SCAF8: variants seen among roughly 807,000 people sequenced by gnomAD.
SCAF8 encodes SR-related and CTD-associated factor 8.
SCAF8 carries 23 observed loss-of-function variants against 140.5 expected under a neutral mutation model. The ratio of observed to expected loss-of-function variants is 0.16; its 90% CI spans 0.12 to 0.23. The LOEUF is 0.23. SCAF8 is among the 10% of genes least tolerant of loss of function. The pLI is 1.00. For missense variants in SCAF8, 1,397 were observed against 1,555.7 expected, an observed-to-expected ratio of 0.90 and a Z score of 1.72; for synonymous variants, 575 against 528.9, an observed-to-expected ratio of 1.09 and a Z score of -1.20.
In SCAF8 at chr6:154,832,280, C is replaced by G. The variant is rs147036406; in HGVS notation, c.2701C>G (p.Pro901Ala). 2.9e-5 allele frequency: 46 copies of G among 1,614,002 alleles called. No individual in the cohort carries two copies. In the African/African-American group the frequency reaches 5.7e-4, roughly 20 times the overall value. The change falls in exon 20 of 20, where the codon CCA (proline) becomes GCA (alanine). Residue 901 changes from proline (P) to alanine (A), a missense_variant. Transcript: ENST00000367178. Reference sequence around the variant, plus strand: ...TACTCCTGGACTTCTGGGAACACAGCCACCAGCTGGACCTCAAAACTTACC... The same window carrying G: ...TACTCCTGGACTTCTGGGAACACAGGCACCAGCTGGACCTCAAAACTTACC... ...PNTPGLLGTQ[P>A]PAGPQNLPPL...
Position 154,832,604 on chromosome 6 carries a change from C to A in SCAF8, c.3025C>A (p.Gln1009Lys). 6.2e-7 allele frequency: 1 copy of A among 1,614,044 alleles called. No individual in the cohort carries two copies. The highest frequency in any genetic ancestry group is 8.5e-7 in the Non-Finnish European group (1 of 1,179,970). ...GATACCACTTGGGAATGATAACATTCAACAGGAAGGAGATAGAGATTACCG... is the reference window on the plus strand; with the variant it reads ...GATACCACTTGGGAATGATAACATTAAACAGGAAGGAGATAGAGATTACCG... ...KRIPLGNDNI[Q>K]QEGDRDYRFP... Residue 1009 changes from glutamine to lysine, a missense_variant, in exon 20 of 20, where the codon CAA becomes AAA. Gln to Lys is a moderately conservative substitution (Grantham distance 53). Transcript: ENST00000367178.
intron 1 of SCAF8, among the ~76,000 whole-genome samples, chr6:154,736,937 G>T (rs1324579101): frequency 6.6e-6 from 1 of 152,076 alleles, no homozygotes; most frequent in Non-Finnish European, 1.5e-5. Flanking sequence ...TTGAGGAAGG[G>T]AAATATATTT....
chr6:154,765,801 A>C (rs1459358169), intron 1 of SCAF8, among the ~76,000 whole-genome samples: 1 of 152,204 alleles, frequency 6.6e-6, no homozygotes, highest in Non-Finnish European at 1.5e-5. Context: ...TTGAAGAATT[A>C]GATGAAATGA....
At position 154,825,248 on chromosome 6, in the gene SCAF8, A is replaced by G. The variant is rs190376870; in HGVS notation, c.2071+870A>G. ...GCCAGGCTAATCTCTGTATCATTCC[A>G]GTTTTAGGGTATGTGCTGCCAAAGC... On this transcript the variant is annotated intron_variant, in intron 17 of 19. Coordinates refer to ENST00000367178, the MANE Select transcript of SCAF8 (RefSeq NM_014892.5). The G allele has an allele frequency of 2.6e-5, 4 of 152,334 alleles. No homozygotes were observed. In the East Asian group the frequency reaches 5.8e-4, roughly 22 times the overall value. The allele number at this position is 152,334 out of a possible 1,614,324, so 9.4% of individuals were successfully genotyped here. A position where few individuals can be genotyped will look rare whatever the true frequency, so the allele number is the denominator to read the frequency against.
intron 15 of SCAF8, 67 bp from the exon 16 acceptor site, chr6:154,822,209 G>A: frequency 6.7e-7 from 1 of 1,494,352 alleles, no homozygotes; most frequent in South Asian, 1.3e-5. Context: ...TGAAATAAAT[G>A]AATACAAAGA....
intron 1 of SCAF8, among the ~76,000 whole-genome samples, chr6:154,770,243 C>CAGGAGTGT (rs1289019701): frequency 2.6e-5 from 4 of 151,884 alleles, no homozygotes; most frequent in Non-Finnish European, 4.4e-5. Context: ...GACTTGAGCC[C>CAGGAGTGT]AGGAGTGTAA....
chr6:154,753,564 G>C (rs368231599), intron 1 of SCAF8, among the ~76,000 whole-genome samples: 4 of 151,956 alleles, frequency 2.6e-5, no homozygotes, highest in East Asian at 1.9e-4. Flanking sequence ...ACTTGAACCC[G>C]GGGGGCAGAG....
chr6:154,760,565 ACT>A (rs1333213902), intron 1 of SCAF8, among the ~76,000 whole-genome samples: 2 of 152,136 alleles, frequency 1.3e-5, no homozygotes, highest in East Asian at 1.9e-4. Context: ...ACTTAACTAC[ACT>A]CTGCTAACTG....
chr6:154,750,858 C>G (rs933214303), intron 1 of SCAF8, among the ~76,000 whole-genome samples: 34 of 152,010 alleles, frequency 2.2e-4, no homozygotes, highest in African/African-American at 8.0e-4. Flanking sequence ...TGCAAAAAAG[C>G]TTTATAAATG....
chr6:154,821,777 A>G (rs2114676529), intron 15 of SCAF8, among the ~76,000 whole-genome samples: 1 of 152,332 alleles, frequency 6.6e-6, no homozygotes, highest in East Asian at 1.9e-4. Flanking sequence ...CAGAGGAGCA[A>G]AGTCATGTAA....
At chr6:154,812,281 C>A (rs1184616793) in intron 12 of SCAF8, among the ~76,000 whole-genome samples, 1 of 80,056 alleles carries the variant, frequency 1.2e-5, no homozygotes, top group Non-Finnish European at 2.5e-5. Context: ...CCTACTTTGT[C>A]TCTATGTCAG....
At chr6:154,752,595 A>C (rs1778865382) in intron 1 of SCAF8, among the ~76,000 whole-genome samples, 1 of 152,176 alleles carries the variant, frequency 6.6e-6, no homozygotes, top group South Asian at 2.1e-4. Context: ...ATAATTTAAT[A>C]GTGGGTAAAA....
At chr6:154,802,190 ATAT>A (rs778577336) in intron 7 of SCAF8, 43 bp downstream of exon 7, 46 of 1,194,380 alleles carry the variant, frequency 3.9e-5, no homozygotes, top group Middle Eastern at 2.7e-4. Context: ...GAATTATTAA[ATAT>A]TATATACTAT....
chr6:154,797,781 AT>A (rs964739436), intron 6 of SCAF8, among the ~76,000 whole-genome samples: 1 of 151,504 alleles, frequency 6.6e-6, no homozygotes, highest in Admixed American at 6.6e-5. Flanking sequence ...ACTTTGTGGT[AT>A]TTAGAGTTAT....
At chr6:154,747,016 T>G (rs1240809635) in intron 1 of SCAF8, among the ~76,000 whole-genome samples, 1 of 152,174 alleles carries the variant, frequency 6.6e-6, no homozygotes, top group Non-Finnish European at 1.5e-5. Flanking sequence ...ATTCAGGGGC[T>G]TAGATATGGA....
Position 154,818,718 on chromosome 6 carries a change from G to A in SCAF8, c.1635+126G>A, listed in dbSNP as rs1305584255. On this transcript the variant is annotated intron_variant, in intron 14 of 19. Transcript: ENST00000367178. ...TTTATTGGATTATTAGAATGTCTCT[G>A]TATTATATTCTTTTTAAATGTTATG... 4.0e-5 allele frequency: 18 copies of A among 449,328 alleles called. No homozygotes were observed. In the East Asian group the frequency reaches 6.0e-4, roughly 15 times the overall value. 27.8% of individuals were successfully genotyped at this position (449,328 alleles called of 1,614,324 possible).
chr6:154,792,858 G>A lies in SCAF8; in HGVS notation c.357G>A (p.Lys119=), dbSNP rs770183402. 3 of 1,610,926 alleles carry A rather than the reference G, an allele frequency of 1.9e-6. No homozygotes were observed. The Admixed American group carries it at 5.0e-5, about 27-fold the overall frequency. Residue 119 remains lysine, a synonymous_variant, in exon 5 of 20, where the codon AAG becomes AAA. Transcript: ENST00000367178. The part of the protein sequence containing the change: ...KIVRVLNLWQ[K]NNVFKSEIIQ... ...TGAGAGTACTAAACTTATGGCAGAA[G>A]AATAATGTATTTAAGAGTGAGATTA...
chr6:154,815,629 G>T, intron 12 of SCAF8, 87 bp from the exon 13 acceptor site: 1 of 574,726 alleles, frequency 1.7e-6, no homozygotes, highest in Non-Finnish European at 3.2e-6. Context: ...TAATTATTAT[G>T]TGTATTACTG....
intron 1 of SCAF8, among the ~76,000 whole-genome samples, chr6:154,737,193 G>A (rs1268690374): frequency 1.3e-5 from 2 of 152,132 alleles, no homozygotes; most frequent in African/African-American, 4.8e-5. Context: ...GGATGTTTTC[G>A]ACGCTCATAG....
Sources: gnomAD v4.1 joint callset for allele counts (sites outside exome capture counted in the v4.1 genomes callset) on GRCh38, gnomAD v4.1.1 for gene constraint, MANE v1.5 for transcripts, NCBI Gene and HGNC (gene_info 2026-07-23, HGNC 2026-07-21) for gene names.